CHST11: variants seen among roughly 807,000 people sequenced by gnomAD.
CHST11 encodes C4S-1.
Under a neutral mutation model 30.4 loss-of-function variants are expected in CHST11, and 9 were observed. That is an observed-to-expected ratio of 0.30 (90% CI 0.18 to 0.52). The LOEUF (loss-of-function observed/expected upper bound fraction) is 0.52. Ranked by LOEUF, CHST11 falls within the 20% of genes least tolerant of loss-of-function variation. The pLI is 0.97. For missense variants in CHST11, 348 were observed against 460.6 expected, an observed-to-expected ratio of 0.76 and a Z score of 2.24; for synonymous variants, 152 against 187.8, an observed-to-expected ratio of 0.81 and a Z score of 1.56.
chr12:104,711,111 G>A (rs1232843407), intron 2 of CHST11, among the ~76,000 whole-genome samples: 1 of 152,152 alleles, frequency 6.6e-6, no homozygotes, highest in Non-Finnish European at 1.5e-5. Context: ...CTTCCCTAGA[G>A]CAACTGTGTT....
intron 1 of CHST11, among the ~76,000 whole-genome samples, chr12:104,577,995 G>A (rs2038702082): frequency 6.6e-6 from 1 of 152,198 alleles, no homozygotes; most frequent in East Asian, 1.9e-4. Context: ...ACTGAGGGAA[G>A]TCCACAAAAG....
At chr12:104,687,779 C>A (rs558899733) in intron 2 of CHST11, among the ~76,000 whole-genome samples, 60 of 152,218 alleles carry the variant, frequency 3.9e-4, no homozygotes, top group African/African-American at 1.3e-3. Context: ...GGCCCCCGCC[C>A]CCCCCAAAAT....
intron 2 of CHST11, among the ~76,000 whole-genome samples, chr12:104,605,934 A>G: frequency 6.6e-6 from 1 of 152,092 alleles, no homozygotes; most frequent in East Asian, 1.9e-4. Flanking sequence ...AATCTTCACA[A>G]CATCATCATG....
At chr12:104,602,468 G>C (rs1455348034) in intron 2 of CHST11, among the ~76,000 whole-genome samples, 2 of 152,184 alleles carry the variant, frequency 1.3e-5, no homozygotes, top group Admixed American at 1.3e-4. Flanking sequence ...GACTGCCTCA[G>C]TAAATCTAAC....
At chr12:104,624,871 C>T (rs752506310) in intron 2 of CHST11, among the ~76,000 whole-genome samples, 3 of 152,214 alleles carry the variant, frequency 2.0e-5, no homozygotes, top group Admixed American at 6.5e-5. Flanking sequence ...CAGACGGCCA[C>T]CTTTTTGGCT....
At chr12:104,723,011 G>C (rs559396434) in intron 2 of CHST11, among the ~76,000 whole-genome samples, 1 of 151,996 alleles carries the variant, frequency 6.6e-6, no homozygotes, top group Non-Finnish European at 1.5e-5. Context: ...TGGTGCTGGC[G>C]TGCCCTGTCA....
intron 1 of CHST11, among the ~76,000 whole-genome samples, chr12:104,532,299 A>C (rs1416525455): frequency 6.6e-6 from 1 of 152,098 alleles, no homozygotes; most frequent in Non-Finnish European, 1.5e-5. Context: ...TCTAGTTCAC[A>C]GCCCTTTTGT....
chr12:104,738,684 A>G (rs2040322254), intron 2 of CHST11, among the ~76,000 whole-genome samples: 1 of 152,222 alleles, frequency 6.6e-6, no homozygotes, highest in Non-Finnish European at 1.5e-5. Context: ...CAGTGAGGAA[A>G]TAGAGGCTTT....
intron 2 of CHST11, among the ~76,000 whole-genome samples, chr12:104,680,585 C>T (rs528613443): frequency 9.9e-5 from 15 of 152,152 alleles, no homozygotes; most frequent in African/African-American, 1.7e-4. Flanking sequence ...TCCTGTCATT[C>T]GAGGGTTTAT....
intron 2 of CHST11, among the ~76,000 whole-genome samples, chr12:104,637,993 G>A (rs990469728): frequency 1.3e-5 from 2 of 152,158 alleles, no homozygotes; most frequent in East Asian, 3.8e-4. Context: ...CCTCCTCAGT[G>A]CCTAGCACAG....
intron 2 of CHST11, among the ~76,000 whole-genome samples, chr12:104,666,711 TGGAA>T (rs1202389193): frequency 6.6e-6 from 1 of 151,952 alleles, no homozygotes; most frequent in Non-Finnish European, 1.5e-5. Flanking sequence ...TGAAAAAAGA[TGGAA>T]GGAAAGGGAA....
At chr12:104,515,079 T>C (rs2038009132) in intron 1 of CHST11, among the ~76,000 whole-genome samples, 2 of 152,210 alleles carry the variant, frequency 1.3e-5, no homozygotes, top group African/African-American at 2.4e-5. Flanking sequence ...CCCGCTTTTG[T>C]ATAGCCTGTG....
At chr12:104,459,433 A>G (rs2135946780) in intron 1 of CHST11, among the ~76,000 whole-genome samples, 1 of 152,352 alleles carries the variant, frequency 6.6e-6, no homozygotes. Flanking sequence ...GGGACCGTGA[A>G]TGCCAGTAAT....
chr12:104,568,337 C>T (rs1006054207), intron 1 of CHST11, among the ~76,000 whole-genome samples: 1 of 152,208 alleles, frequency 6.6e-6, no homozygotes, highest in Non-Finnish European at 1.5e-5. Context: ...GCCCCCCTCC[C>T]ACTGTCCTTG....
intron 1 of CHST11, among the ~76,000 whole-genome samples, chr12:104,590,075 A>G (rs2038843366): frequency 1.3e-5 from 2 of 152,182 alleles, no homozygotes; most frequent in African/African-American, 2.4e-5. Flanking sequence ...TCCCTTGGCT[A>G]TTAGGTGCCG....
intron 1 of CHST11, among the ~76,000 whole-genome samples, chr12:104,592,537 C>T (rs779798603): frequency 1.3e-5 from 2 of 152,140 alleles, no homozygotes; most frequent in African/African-American, 2.4e-5. Flanking sequence ...CTTCCAAAGT[C>T]CCCACCCTCT....
chr12:104,519,645 C>T (rs1214837692), intron 1 of CHST11, among the ~76,000 whole-genome samples: 3 of 152,136 alleles, frequency 2.0e-5, no homozygotes, highest in South Asian at 2.1e-4. Context: ...CGAAGTGACC[C>T]CAGGGAGCCG....
chr12:104,544,154 GAAAGAAAGAAAGAAA>G (rs2038317025), intron 1 of CHST11, among the ~76,000 whole-genome samples: 1 of 30,956 alleles, frequency 3.2e-5, no homozygotes, highest in Non-Finnish European at 7.6e-5. Flanking sequence ...AAGAAAGAAA[GAAAGAAAGAAAGAAA>G]GAAAGAAAGA....
intron 1 of CHST11, among the ~76,000 whole-genome samples, chr12:104,544,137 AAAAAGAAAGAAAGAAAG>A (rs1259983918): frequency 1.3e-4 from 5 of 37,660 alleles, no homozygotes; most frequent in African/African-American, 3.8e-4. Flanking sequence ...AAAAAAAAAA[AAAAAGAAAGAAAGAAAG>A]AAAGAAAGAA....
Sources: gnomAD v4.1 joint callset for allele counts (sites outside exome capture counted in the v4.1 genomes callset) on GRCh38, gnomAD v4.1.1 for gene constraint, MANE v1.5 for transcripts, NCBI Gene and HGNC (gene_info 2026-07-23, HGNC 2026-07-21) for gene names.